The following BANK1 variants were observed in gnomAD, a reference collection of about 807,000 sequenced individuals.
BANK1 encodes the protein B-cell scaffold protein with ankyrin repeats.
BANK1 carries 95 observed loss-of-function variants against 94.5 expected under a neutral mutation model. The ratio of observed to expected loss-of-function variants is 1.00; its 90% CI spans 0.85 to 1.19. BANK1 has a LOEUF of 1.19. Ranked by LOEUF, BANK1 falls within the 50% of genes most tolerant of loss-of-function variation. BANK1 has a pLI of 0.00. For missense variants in BANK1, 987 were observed against 932.2 expected, an observed-to-expected ratio of 1.06 and a Z score of -0.77; for synonymous variants, 334 against 308.4, an observed-to-expected ratio of 1.08 and a Z score of -0.87.
intron 7 of BANK1, among the ~76,000 whole-genome samples, chr4:102,017,767 T>A (rs1181957981): frequency 6.6e-6 from 1 of 152,184 alleles, no homozygotes; most frequent in Admixed American, 6.5e-5. Flanking sequence ...TTTTCATAAC[T>A]TTAGTTTTCT....
At chr4:101,797,822 G>A (rs1296839695) in intron 1 of BANK1, among the ~76,000 whole-genome samples, 2 of 152,126 alleles carry the variant, frequency 1.3e-5, no homozygotes, top group Non-Finnish European at 2.9e-5. Flanking sequence ...TCGATTTTAG[G>A]ATCTGGATAT....
intron 7 of BANK1, among the ~76,000 whole-genome samples, chr4:101,924,430 A>G (rs1208470830): frequency 6.6e-6 from 1 of 151,846 alleles, no homozygotes; most frequent in Non-Finnish European, 1.5e-5. Flanking sequence ...AATAGCAATC[A>G]GTGTCTGTAC....
chr4:101,944,326 TTCAG>T (rs1723860779), intron 7 of BANK1, among the ~76,000 whole-genome samples: 3 of 151,856 alleles, frequency 2.0e-5, no homozygotes, highest in Admixed American at 6.6e-5. Context: ...TTCCCTCAGC[TTCAG>T]CCATTTGGAC....
intron 4 of BANK1, among the ~76,000 whole-genome samples, chr4:101,870,168 C>A (rs1728232083): frequency 6.6e-6 from 1 of 151,856 alleles, no homozygotes; most frequent in South Asian, 2.1e-4. Context: ...AATGGCTATA[C>A]TTTTCCAAAT....
chr4:101,873,040 A>G (rs1728354610), intron 5 of BANK1, among the ~76,000 whole-genome samples: 2 of 151,866 alleles, frequency 1.3e-5, no homozygotes, highest in Non-Finnish European at 2.9e-5. Flanking sequence ...AAAACCCAGC[A>G]TTTTGTGGAA....
intron 15 of BANK1, among the ~76,000 whole-genome samples, chr4:102,072,627 G>C (rs1204354409): frequency 6.6e-6 from 1 of 152,116 alleles, no homozygotes; most frequent in Non-Finnish European, 1.5e-5. Flanking sequence ...AGGCCAAAGT[G>C]TGGCTAAATT....
intron 6 of BANK1, among the ~76,000 whole-genome samples, 187 bp downstream of exon 6, chr4:101,895,597 T>C (rs537235361): frequency 6.6e-6 from 1 of 152,052 alleles, no homozygotes; most frequent in South Asian, 2.1e-4. Context: ...TAATTTTTTT[T>C]ATCTCAGGCC....
chr4:102,072,537 T>A (rs1227556325), intron 15 of BANK1, 137 bp downstream of exon 15: 11 of 571,138 alleles, frequency 1.9e-5, no homozygotes, highest in Non-Finnish European at 3.3e-5. Flanking sequence ...TGTGCCTTTG[T>A]GTGCAAAATC....
At chr4:101,965,187 T>G (rs1430177773) in intron 7 of BANK1, among the ~76,000 whole-genome samples, 1 of 151,896 alleles carries the variant, frequency 6.6e-6, no homozygotes, top group Non-Finnish European at 1.5e-5. Context: ...CTATGTCTAA[T>G]ATTTGAAATC....
intron 7 of BANK1, among the ~76,000 whole-genome samples, chr4:102,010,959 ATTATGT>A (rs1282534354): frequency 1.3e-5 from 2 of 152,222 alleles, no homozygotes; most frequent in African/African-American, 4.8e-5. Context: ...GTGTTTCAAT[ATTATGT>A]TTATATGTGC....
At chr4:101,905,187 A>G (rs147588254) in intron 6 of BANK1, among the ~76,000 whole-genome samples, 3,906 of 152,266 alleles carry the variant, frequency 0.026, 174 homozygotes, top group African/African-American at 0.09. Context: ...ATGTATTTGT[A>G]CCCCTTTTAA....
chr4:101,979,995 G>A (rs200421912), intron 7 of BANK1, among the ~76,000 whole-genome samples: 1 of 151,574 alleles, frequency 6.6e-6, no homozygotes, highest in African/African-American at 2.4e-5. Context: ...TGGTTGTTTT[G>A]TTGACTTGTT....
intron 7 of BANK1, among the ~76,000 whole-genome samples, chr4:101,936,215 G>T (rs1322244638): frequency 7.0e-6 from 1 of 142,854 alleles, no homozygotes; most frequent in Non-Finnish European, 1.5e-5. Flanking sequence ...TATCATATAT[G>T]TACATGTACA....
chr4:102,030,032 A>T lies in BANK1; in HGVS notation c.1667A>T (p.Asp556Val), dbSNP rs1727235581. Residue 556 changes from aspartate (D) to valine (V), a missense_variant, in exon 10 of 17, where the codon GAT becomes GTT. Physicochemically the swap from Asp to Val is radical, Grantham distance 152. Coordinates refer to ENST00000322953, the MANE Select transcript of BANK1 (RefSeq NM_017935.5). ...CCTGGTGTTAGACAAGAAACAGGAGATGAACCCAAAGGAGAAAAAGAGAAG... is the reference window on the plus strand; with the variant it reads ...CCTGGTGTTAGACAAGAAACAGGAGTTGAACCCAAAGGAGAAAAAGAGAAG... Reference protein sequence around the residue: ...GHPGVRQETGDEPKGEKEKKE... With the variant: ...GHPGVRQETGVEPKGEKEKKE... 1 of 1,613,846 alleles carries T rather than the reference A, an allele frequency of 6.2e-7. No individual in the cohort carries two copies. Among genetic ancestry groups the T allele is most frequent in the South Asian group, 1.1e-5 (1 of 91,050 alleles).
chr4:101,796,936 C>T (rs1433460471), intron 1 of BANK1, among the ~76,000 whole-genome samples: 1 of 152,024 alleles, frequency 6.6e-6, no homozygotes. Flanking sequence ...GGATTATCTT[C>T]AACTCCTCTG....
chr4:101,915,948 T>G (rs577904761), intron 6 of BANK1, among the ~76,000 whole-genome samples: 1 of 152,174 alleles, frequency 6.6e-6, no homozygotes, highest in African/African-American at 2.4e-5. Context: ...ACAGCAATGC[T>G]CTGTTTTTAC....
At chr4:101,895,827 T>C (rs1722054292) in intron 6 of BANK1, among the ~76,000 whole-genome samples, 1 of 151,914 alleles carries the variant, frequency 6.6e-6, no homozygotes, top group South Asian at 2.1e-4. Context: ...TATAAATTTA[T>C]GCTTCCCGGG....
At chr4:102,050,787 G>T (rs1728021689) in intron 11 of BANK1, among the ~76,000 whole-genome samples, 1 of 149,942 alleles carries the variant, frequency 6.7e-6, no homozygotes. Context: ...GTGAGTAAAG[G>T]GATATAGAGT....
At chr4:101,904,262 A>G (rs903913572) in intron 6 of BANK1, among the ~76,000 whole-genome samples, 1 of 152,350 alleles carries the variant, frequency 6.6e-6, no homozygotes, top group East Asian at 1.9e-4. Flanking sequence ...TAATGCTCCC[A>G]TAGGTTGTAT....
Sources: gnomAD v4.1 joint callset for allele counts (sites outside exome capture counted in the v4.1 genomes callset) on GRCh38, gnomAD v4.1.1 for gene constraint, MANE v1.5 for transcripts, NCBI Gene and HGNC (gene_info 2026-07-23, HGNC 2026-07-21) for gene names.